Variants in PALM2AKAP2 observed in about 807,000 individuals in gnomAD.
The protein encoded by PALM2AKAP2 is PALM2 and AKAP2 fusion.
A neutral mutation model predicts 71.5 loss-of-function variants in PALM2AKAP2; 37 were observed. The ratio of observed to expected loss-of-function variants is 0.52; its 90% confidence interval spans 0.40 to 0.68. PALM2AKAP2 has a LOEUF of 0.68. Ranked by LOEUF, PALM2AKAP2 falls within the 30% of genes least tolerant of loss-of-function variation. The pLI, the probability that PALM2AKAP2 is intolerant of heterozygous loss-of-function variation, is 0.00. For synonymous variants in PALM2AKAP2, 468 were observed against 478.8 expected (o/e 0.98, Z 0.29); for missense variants, 1,224 against 1,191.8 (o/e 1.03, Z -0.40).
intron 1 of PALM2AKAP2, among the ~76,000 whole-genome samples, chr9:110,081,322 A>G (rs1834443913): frequency 6.6e-6 from 1 of 152,252 alleles, no homozygotes; most frequent in Non-Finnish European, 1.5e-5. Context: ...AACTCGCACC[A>G]GAGCATTTCA....
chr9:109,709,411 A>G (rs2118603238), intron 1 of PALM2AKAP2, among the ~76,000 whole-genome samples: 1 of 152,242 alleles, frequency 6.6e-6, no homozygotes, highest in East Asian at 1.9e-4. Flanking sequence ...CCCTTTGGAC[A>G]ACTCCCCTGG....
intron 3 of PALM2AKAP2, among the ~76,000 whole-genome samples, chr9:109,913,250 G>A (rs948439742): frequency 2.6e-5 from 4 of 152,184 alleles, no homozygotes; most frequent in African/African-American, 9.7e-5. Context: ...ATTTATAGGA[G>A]CGATCAGCTC....
chr9:109,992,422 T>G (rs902049764), intron 6 of PALM2AKAP2, among the ~76,000 whole-genome samples: 1 of 152,226 alleles, frequency 6.6e-6, no homozygotes, highest in African/African-American at 2.4e-5. Flanking sequence ...TTAATTTTAT[T>G]TACTTTGTTT....
chr9:110,035,532 TAGG>T (rs1833380240), intron 7 of PALM2AKAP2, among the ~76,000 whole-genome samples: 2 of 144,770 alleles, frequency 1.4e-5, no homozygotes, highest in African/African-American at 5.0e-5. Context: ...ATAACATATA[TAGG>T]ATATGTTGTG....
intron 1 of PALM2AKAP2, among the ~76,000 whole-genome samples, chr9:109,810,806 A>G (rs1452388471): frequency 6.6e-6 from 1 of 152,130 alleles, no homozygotes; most frequent in African/African-American, 2.4e-5. Flanking sequence ...GAAGCACTTG[A>G]GTTGGGAAAT....
At chr9:110,052,905 A>G (rs577038504) in intron 1 of PALM2AKAP2, among the ~76,000 whole-genome samples, 49 of 152,316 alleles carry the variant, frequency 3.2e-4, no homozygotes, top group Non-Finnish European at 5.9e-4. Context: ...TTTTTAGAAA[A>G]CTGAAACCTC....
rs149751471 is a variant in PALM2AKAP2 at position 109,809,288 on chromosome 9, A to C, written c.45+28755A>C. ...AACTGGGAGGGGAGCTTTACCCTGCAAAGCCAAAGGAGCAGAGCTGCCCAA... is the reference window on the plus strand; with the variant it reads ...AACTGGGAGGGGAGCTTTACCCTGCCAAGCCAAAGGAGCAGAGCTGCCCAA... On this transcript the variant is annotated intron_variant, in intron 1 of 9. Coordinates refer to the PALM2AKAP2 transcript ENST00000302798. Among the ~76,000 whole-genome samples the C allele has an allele frequency of 2.4e-3, 366 of 152,328 alleles. 3 individuals are homozygous for C. Among genetic ancestry groups the C allele is most frequent in the Admixed American group, 4.4e-3 (68 of 15,306 alleles).
intron 2 of PALM2AKAP2, among the ~76,000 whole-genome samples, chr9:110,142,861 G>A (rs937534866): frequency 7.2e-5 from 11 of 152,220 alleles, no homozygotes; most frequent in African/African-American, 2.7e-4. Flanking sequence ...TTACCCTATG[G>A]TCAGTGAGAA....
At chr9:110,170,104 G>A (rs1282797223) in exon 4 of PALM2AKAP2, 2 of 152,380 alleles carry the variant, frequency 1.3e-5, no homozygotes, top group Non-Finnish European at 2.9e-5. Flanking sequence ...TATAGAGGAT[G>A]CCAGCTTTAA....
At chr9:110,027,207 T>C (rs1372353372) in intron 7 of PALM2AKAP2, among the ~76,000 whole-genome samples, 3 of 152,222 alleles carry the variant, frequency 2.0e-5, no homozygotes, top group Non-Finnish European at 4.4e-5. Context: ...GTCTTGGCCT[T>C]ATCCAGCTGG....
At chr9:110,100,051 C>CTATATATATATATATA (rs71373968) in intron 1 of PALM2AKAP2, among the ~76,000 whole-genome samples, 2,304 of 109,146 alleles carry the variant, frequency 0.021, 61 homozygotes, top group South Asian at 0.03. Context: ...GTATGTGTGT[C>CTATATATATATATATA]TATATATATA....
chr9:109,731,225 C>T (rs934098711), intron 1 of PALM2AKAP2, among the ~76,000 whole-genome samples: 2 of 152,212 alleles, frequency 1.3e-5, no homozygotes, highest in African/African-American at 4.8e-5. Context: ...ATGGTTCCAT[C>T]TCTACCTCTA....
chr9:109,962,660 T>G (rs2132121652), intron 6 of PALM2AKAP2, among the ~76,000 whole-genome samples: 1 of 147,608 alleles, frequency 6.8e-6, no homozygotes, highest in South Asian at 2.2e-4. Flanking sequence ...TTTTTTTTTG[T>G]AAGACAGAGT....
At chr9:109,874,789 C>G (rs559118604) in intron 2 of PALM2AKAP2, among the ~76,000 whole-genome samples, 1 of 152,318 alleles carries the variant, frequency 6.6e-6, no homozygotes, top group South Asian at 2.1e-4. Flanking sequence ...CCCTTTCACT[C>G]AAACCAAATA....
chr9:109,859,171 A>G (rs1341795839), intron 1 of PALM2AKAP2, among the ~76,000 whole-genome samples: 1 of 152,196 alleles, frequency 6.6e-6, no homozygotes, highest in Non-Finnish European at 1.5e-5. Flanking sequence ...GAACTAATCA[A>G]TGTCTTCTTT....
At chr9:109,670,299 G>A (rs1351356247) in intron 1 of PALM2AKAP2, among the ~76,000 whole-genome samples, 1 of 152,004 alleles carries the variant, frequency 6.6e-6, no homozygotes, top group African/African-American at 2.4e-5. Context: ...GCCCCAGTGC[G>A]TGTTGTTCCC....
chr9:109,714,975 C>T (rs1437255687), intron 1 of PALM2AKAP2, among the ~76,000 whole-genome samples: 1 of 152,198 alleles, frequency 6.6e-6, no homozygotes, highest in Non-Finnish European at 1.5e-5. Context: ...GCACTTGCAT[C>T]CTACTGTGCC....
intron 3 of PALM2AKAP2, among the ~76,000 whole-genome samples, chr9:109,910,399 A>G (rs370401886): frequency 1.3e-5 from 2 of 152,202 alleles, no homozygotes; most frequent in African/African-American, 4.8e-5. Context: ...TATAGTTTGG[A>G]TAGATTTAAG....
rs1312851409 is a variant in PALM2AKAP2 at position 109,677,518 on chromosome 9, C to G, written c.5+36652C>G. Reference sequence around the variant, plus strand: ...CCCCGTCTCTACTAAAAATACAAAACTCAGCTAGGCGCAGTGGCGGGCACC... The same window carrying G: ...CCCCGTCTCTACTAAAAATACAAAAGTCAGCTAGGCGCAGTGGCGGGCACC... On this transcript the variant is annotated intron_variant, in intron 1 of 6. Coordinates refer to the PALM2AKAP2 transcript ENST00000374531. Among the ~76,000 whole-genome samples the G allele has an allele frequency of 2.0e-5, 3 of 151,980 alleles. No individual in the cohort carries two copies. The East Asian group carries it at 5.8e-4, about 29-fold the overall frequency.
Sources: allele counts gnomAD v4.1 joint callset (sites outside exome capture counted in the v4.1 genomes callset), GRCh38; gene constraint gnomAD v4.1.1; transcripts MANE v1.5; gene names NCBI Gene and HGNC (gene_info 2026-07-23, HGNC 2026-07-21).